The following SDK1 variants were observed in gnomAD, a reference collection of about 807,000 sequenced individuals.
SDK1 encodes the protein protein sidekick-1.
Under a neutral mutation model 245.5 loss-of-function variants are expected in SDK1, and 157 were observed. The ratio of observed to expected loss-of-function variants is 0.64; its 90% CI spans 0.56 to 0.73. The LOEUF (loss-of-function observed/expected upper bound fraction) is 0.73. SDK1 is among the 30% of genes least tolerant of loss of function. The pLI, the probability that SDK1 is intolerant of heterozygous loss-of-function variation, is 0.00. For synonymous variants in SDK1, 1,647 were observed against 1,278.5 expected, an observed-to-expected ratio of 1.29 and a Z score of -6.15; for missense variants, 3,583 against 3,002.3, an observed-to-expected ratio of 1.19 and a Z score of -4.52.
At chr7:3,942,506 G>C (rs1240604080) in intron 5 of SDK1, among the ~76,000 whole-genome samples, 1 of 152,108 alleles carries the variant, frequency 6.6e-6, no homozygotes, top group Admixed American at 6.5e-5. Context: ...ATAGGATGTT[G>C]GAAAAAGATT....
chr7:3,368,310 A>G (rs1442308053), intron 1 of SDK1, among the ~76,000 whole-genome samples: 1 of 152,222 alleles, frequency 6.6e-6, no homozygotes, highest in Non-Finnish European at 1.5e-5. Flanking sequence ...TGCTATTGAC[A>G]TCAAAGTTAC....
chr7:3,673,537 C>A (rs73672133), intron 4 of SDK1, among the ~76,000 whole-genome samples: 5,923 of 152,294 alleles, frequency 0.039, 375 homozygotes, highest in African/African-American at 0.14. Context: ...ATAGGCCCCG[C>A]CGGCCTGTTA....
rs146395090 is a variant in SDK1 at position 3,897,657 on chromosome 7, A to G, written c.848-53266A>G. Among the ~76,000 whole-genome samples, 928 of 152,210 alleles carry G rather than the reference A, an allele frequency of 6.1e-3. 9 individuals are homozygous for G. Among genetic ancestry groups the G allele is most frequent in the Non-Finnish European group, 8.3e-3 (564 of 68,004 alleles). On this transcript the variant is annotated intron_variant, in intron 5 of 44. Transcript: ENST00000404826. ...GTTATGAACAGTGCTCCCATTTGCC[A>G]CGTTCTTCTTAATGTTCAACAACTT... is the stretch of plus-strand genomic sequence containing the variant.
intron 5 of SDK1, among the ~76,000 whole-genome samples, chr7:3,922,210 C>T (rs1779610240): frequency 6.7e-6 from 1 of 150,246 alleles, no homozygotes; most frequent in African/African-American, 2.5e-5. Flanking sequence ...TTGGCAGATT[C>T]CCACCAGTCC....
chr7:3,734,086 G>C (rs561933490), intron 4 of SDK1, among the ~76,000 whole-genome samples: 1 of 152,204 alleles, frequency 6.6e-6, no homozygotes, highest in African/African-American at 2.4e-5. Flanking sequence ...CAGGCTCCCC[G>C]TGAGATGAAG....
intron 1 of SDK1, among the ~76,000 whole-genome samples, chr7:3,569,577 C>G (rs1048498803): frequency 6.6e-6 from 1 of 152,200 alleles, no homozygotes; most frequent in African/African-American, 2.4e-5. Context: ...GCCCACGGTT[C>G]ATCATTGGTG....
At chr7:3,934,388 G>C (rs1368267254) in intron 5 of SDK1, among the ~76,000 whole-genome samples, 2 of 152,184 alleles carry the variant, frequency 1.3e-5, no homozygotes, top group Non-Finnish European at 2.9e-5. Flanking sequence ...CACTTTTCTA[G>C]TTACAGATAC....
chr7:3,744,514 A>C (rs1355516724), intron 4 of SDK1, among the ~76,000 whole-genome samples: 1 of 152,176 alleles, frequency 6.6e-6, no homozygotes, highest in Non-Finnish European at 1.5e-5. Flanking sequence ...AAAGACCTAA[A>C]AGAAATAAGA....
At chr7:4,248,064 G>A (rs998506168) in intron 44 of SDK1, among the ~76,000 whole-genome samples, 2 of 152,130 alleles carry the variant, frequency 1.3e-5, no homozygotes, top group Non-Finnish European at 2.9e-5. Context: ...CATATGTGGC[G>A]TGTTTGGAGA....
intron 8 of SDK1, among the ~76,000 whole-genome samples, 195 bp from the exon 9 acceptor site, chr7:3,962,462 T>C (rs1274690745): frequency 6.6e-6 from 1 of 152,182 alleles, no homozygotes; most frequent in African/African-American, 2.4e-5. Flanking sequence ...ATGCCAGCTG[T>C]TCCTCTCAAC....
chr7:3,427,842 C>A (rs991994180), intron 1 of SDK1, among the ~76,000 whole-genome samples: 1 of 120,928 alleles, frequency 8.3e-6, no homozygotes, highest in Admixed American at 7.6e-5. Context: ...TCTTAGATGT[C>A]GTTAGTGTCT....
chr7:3,473,786 C>G (rs932173579), intron 1 of SDK1, among the ~76,000 whole-genome samples: 1 of 152,038 alleles, frequency 6.6e-6, no homozygotes, highest in East Asian at 1.9e-4. Flanking sequence ...TAATAATGTT[C>G]AGGGAGTGTG....
intron 4 of SDK1, among the ~76,000 whole-genome samples, chr7:3,808,969 G>A (rs534207601): frequency 3.3e-4 from 51 of 152,242 alleles, no homozygotes; most frequent in African/African-American, 1.2e-3. Flanking sequence ...GTTTTGAGTC[G>A]TGCACTGAGG....
chr7:3,449,964 C>G (rs1432493253), intron 1 of SDK1, among the ~76,000 whole-genome samples: 1 of 152,190 alleles, frequency 6.6e-6, no homozygotes, highest in Non-Finnish European at 1.5e-5. Context: ...ACAAATCAGA[C>G]TGGCTGTTGG....
intron 1 of SDK1, among the ~76,000 whole-genome samples, chr7:3,481,708 A>G (rs778168455): frequency 1.9e-4 from 29 of 152,158 alleles, no homozygotes; most frequent in Non-Finnish European, 4.0e-4. Context: ...TCCTCTCAGC[A>G]TCTAGTTTCT....
At chr7:4,222,379 C>G (rs556331901) in intron 40 of SDK1, among the ~76,000 whole-genome samples, 1 of 152,294 alleles carries the variant, frequency 6.6e-6, no homozygotes, top group Admixed American at 6.5e-5. Context: ...CCTGCAATCT[C>G]TGCCTCCCGG....
intron 4 of SDK1, among the ~76,000 whole-genome samples, chr7:3,657,679 G>A (rs570837976): frequency 6.6e-6 from 1 of 152,310 alleles, no homozygotes; most frequent in South Asian, 2.1e-4. Flanking sequence ...GCCATCCTCA[G>A]GAGGGGGACA....
At chr7:3,807,073 T>C (rs771225531) in intron 4 of SDK1, among the ~76,000 whole-genome samples, 2 of 152,124 alleles carry the variant, frequency 1.3e-5, no homozygotes, top group Non-Finnish European at 2.9e-5. Context: ...TAATGTTAAA[T>C]AAAAAGGAAT....
rs1290783513 is a variant in SDK1, at chr7:4,048,172, G to A, written c.2603-1176G>A. ...ACATGGGATCCCGTGTGTTCCGGCC[G>A]AGAAGACCCTTGTTTTTCTTTCTCT... On this transcript the variant is annotated intron_variant, in intron 17 of 44. Coordinates refer to ENST00000404826, the MANE Select transcript of SDK1 (RefSeq NM_152744.4). 8.5e-5 allele frequency among the ~76,000 whole-genome samples: 13 copies of A among 152,248 alleles called. 1 individual carries two copies. Among genetic ancestry groups the A allele is most frequent in the South Asian group, 4.2e-4 (2 of 4,818 alleles).
Sources: gnomAD v4.1 joint callset for allele counts (sites outside exome capture counted in the v4.1 genomes callset) on GRCh38, gnomAD v4.1.1 for gene constraint, MANE v1.5 for transcripts, NCBI Gene and HGNC (gene_info 2026-07-23, HGNC 2026-07-21) for gene names.